The following CLDN20 variants were observed in gnomAD, a reference collection of about 807,000 sequenced individuals.
CLDN20 encodes claudin-20.
For missense variants in CLDN20, 258 were observed against 267.9 expected (o/e 0.96, Z 0.26); for synonymous variants, 104 against 103.6 (o/e 1.00, Z -0.03).
chr6:155,269,926 T>C (rs1021772963), intron 1 of CLDN20, among the ~76,000 whole-genome samples: 1 of 152,238 alleles, frequency 6.6e-6, no homozygotes, highest in Admixed American at 6.5e-5. Flanking sequence ...GCACTGATCC[T>C]GGCACAGGAG....
At chr6:155,268,633 T>C (rs554755448) in intron 1 of CLDN20, among the ~76,000 whole-genome samples, 24 of 152,246 alleles carry the variant, frequency 1.6e-4, no homozygotes, top group African/African-American at 5.3e-4. Flanking sequence ...AATGAAAACA[T>C]GATCTGTGAC....
At chr6:155,269,532 G>T (rs968862846) in intron 1 of CLDN20, among the ~76,000 whole-genome samples, 1 of 151,960 alleles carries the variant, frequency 6.6e-6, no homozygotes, top group African/African-American at 2.4e-5. Context: ...ATGTTGGCCA[G>T]GCTGCTCTTG....
chr6:155,270,922 C>A (rs1367810516), intron 1 of CLDN20, among the ~76,000 whole-genome samples: 4 of 152,004 alleles, frequency 2.6e-5, no homozygotes, highest in Non-Finnish European at 5.9e-5. Flanking sequence ...GAAATAAAAT[C>A]AAAGAACAAA....
At chr6:155,270,391 C>T (rs752785929) in intron 1 of CLDN20, among the ~76,000 whole-genome samples, 5 of 152,152 alleles carry the variant, frequency 3.3e-5, no homozygotes, top group Non-Finnish European at 5.9e-5. Flanking sequence ...TTAATGTCCA[C>T]ATCAGAAGTG....
At chr6:155,264,558 A>G (rs959239602) in intron 1 of CLDN20, among the ~76,000 whole-genome samples, 2 of 152,218 alleles carry the variant, frequency 1.3e-5, no homozygotes, top group African/African-American at 2.4e-5. Context: ...AAAGTTTACA[A>G]TTTGTGTTAT....
chr6:155,271,455 C>T (rs1020824747), intron 1 of CLDN20, among the ~76,000 whole-genome samples: 1 of 152,138 alleles, frequency 6.6e-6, no homozygotes, highest in African/African-American at 2.4e-5. Flanking sequence ...AACAAGAAAA[C>T]TCAGGGCACC....
chr6:155,271,357 T>C (rs1452375463), intron 1 of CLDN20, among the ~76,000 whole-genome samples: 1 of 152,210 alleles, frequency 6.6e-6, no homozygotes, highest in Admixed American at 6.5e-5. Flanking sequence ...TCTTATCTGA[T>C]GTGTCTCATC....
chr6:155,276,509 A>T lies in CLDN20; in HGVS notation c.*130A>T. 4 of 807,348 alleles carry T rather than the reference A, an allele frequency of 5.0e-6. No individual in the cohort carries two copies. The highest frequency in any genetic ancestry group is 5.8e-6 in the Non-Finnish European group (3 of 513,300). The allele number at this position is 807,348 out of a possible 1,614,324, so 50.0% of individuals were successfully genotyped here. ...AATGTAAAATACTTTAACAACTACA[A>T]AGTAGTTTAAAATGCCAATAAAACT... is the stretch of plus-strand genomic sequence containing the variant. On this transcript the variant is annotated 3_prime_UTR_variant, in exon 2 of 2. Transcript: ENST00000367165.
intron 1 of CLDN20, among the ~76,000 whole-genome samples, chr6:155,269,360 C>T (rs1784823014): frequency 1.5e-5 from 2 of 131,676 alleles, no homozygotes; most frequent in Non-Finnish European, 3.1e-5. Context: ...CTCGCTCTGT[C>T]ACCCAGGCTG....
chr6:155,272,710 T>G (rs888024897), intron 1 of CLDN20, among the ~76,000 whole-genome samples: 1 of 152,088 alleles, frequency 6.6e-6, no homozygotes, highest in Admixed American at 6.6e-5. Context: ...TCTACATAAG[T>G]TCTCTATGCA....
intron 1 of CLDN20, among the ~76,000 whole-genome samples, chr6:155,275,014 C>G (rs1240040818): frequency 1.3e-5 from 2 of 151,484 alleles, no homozygotes; most frequent in African/African-American, 4.9e-5. Context: ...GTCAGGAGAT[C>G]GAGACCATCC....
rs761468264 is a variant in CLDN20, at chr6:155,276,068, G to A, written c.349G>A (p.Ala117Thr). 3.1e-6 allele frequency: 5 copies of A among 1,614,048 alleles called. No homozygotes were observed. In the South Asian group the frequency reaches 4.4e-5, roughly 14 times the overall value. Reference protein sequence around the residue: ...LGGDRETKSHASFAGGVCFMS... With the variant: ...LGGDRETKSHTSFAGGVCFMS... The stretch of plus-strand genomic sequence containing the variant: ...AGGGGACAGAGAAACCAAGAGCCAT[G>A]CTTCCTTTGCTGGAGGAGTCTGTTT... Residue 117 changes from alanine (A) to threonine (T), a missense_variant, in exon 2 of 2, where the codon GCT becomes ACT. Coordinates refer to ENST00000367165, the MANE Select transcript of CLDN20 (RefSeq NM_001001346.3).
Position 155,276,250 on chromosome 6 carries a change from T to C in CLDN20, c.531T>C (p.Ser177=). 1 of 1,614,166 alleles carries C rather than the reference T, an allele frequency of 6.2e-7. No individual in the cohort carries two copies. The highest frequency in any genetic ancestry group is 2.2e-5 in the East Asian group (1 of 44,868). ...GFISAMLLFI[S]GMIFCTSCIK... Reference sequence around the variant, plus strand: ...TTTCTGCAATGCTGTTGTTTATCTCTGGCATGATTTTCTGCACCTCCTGTA... The same window carrying C: ...TTTCTGCAATGCTGTTGTTTATCTCCGGCATGATTTTCTGCACCTCCTGTA... Residue 177 remains serine (S), a synonymous_variant, in exon 2 of 2, where the codon TCT becomes TCC. Coordinates refer to ENST00000367165, the MANE Select transcript of CLDN20 (RefSeq NM_001001346.3).
chr6:155,276,156 A>G lies in CLDN20; in HGVS notation c.437A>G (p.Asn146Ser), dbSNP rs1785197493. ...TVWYTKEIIANFLDLTVPESN... is the reference protein window; with the variant it reads ...TVWYTKEIIASFLDLTVPESN... ...TGGTACACAAAGGAGATCATAGCAA[A>G]CTTTCTGGATCTGACAGTTCCAGAA... The change falls in exon 2 of 2, where the codon AAC (asparagine) becomes AGC (serine). Residue 146 changes from asparagine (N) to serine (S), a missense_variant. Transcript: ENST00000367165. 6.2e-7 allele frequency: 1 copy of G among 1,613,986 alleles called. No homozygotes were observed. Among genetic ancestry groups the G allele is most frequent in the African/African-American group, 1.3e-5 (1 of 74,878 alleles).
intron 1 of CLDN20, among the ~76,000 whole-genome samples, chr6:155,271,067 T>C (rs1241305620): frequency 6.6e-6 from 1 of 152,190 alleles, no homozygotes; most frequent in African/African-American, 2.4e-5. Context: ...ATGCAAAACT[T>C]AGGATTAAAA....
At chr6:155,275,080 G>A (rs1038397681) in intron 1 of CLDN20, among the ~76,000 whole-genome samples, 1 of 151,272 alleles carries the variant, frequency 6.6e-6, no homozygotes, top group African/African-American at 2.4e-5. Context: ...AAAAAAATTA[G>A]CCGGGCATGG....
chr6:155,275,576 C>A, intron 1 of CLDN20, 40 bp from the exon 2 acceptor site: 2 of 783,512 alleles, frequency 2.6e-6, no homozygotes, highest in Non-Finnish European at 4.2e-6. Context: ...TGTTTACTTA[C>A]TTTCTTTCGC....
chr6:155,272,433 C>G (rs1044920193), intron 1 of CLDN20, among the ~76,000 whole-genome samples: 2 of 151,976 alleles, frequency 1.3e-5, no homozygotes, highest in African/African-American at 4.8e-5. Context: ...TGTTTTGGGA[C>G]CATGAGAGAG....
chr6:155,275,032 C>G (rs540903873), intron 1 of CLDN20, among the ~76,000 whole-genome samples: 3 of 151,314 alleles, frequency 2.0e-5, no homozygotes, highest in South Asian at 4.2e-4. Context: ...TCCTGGCTAA[C>G]AGGGTGAAAC....
Sources: gnomAD v4.1 joint callset for allele counts (sites outside exome capture counted in the v4.1 genomes callset) on GRCh38, gnomAD v4.1.1 for gene constraint, MANE v1.5 for transcripts, NCBI Gene and HGNC (gene_info 2026-07-23, HGNC 2026-07-21) for gene names.